The following DNAJC6 variants were observed in gnomAD, a reference collection of about 807,000 sequenced individuals.
The protein encoded by DNAJC6 is DnaJ heat shock protein family (Hsp40) member C6, also known as auxilin.
Under a neutral mutation model 110.0 loss-of-function variants are expected in DNAJC6, and 34 were observed. The observed-to-expected ratio is 0.31, with a 90% CI of 0.24 to 0.41. The LOEUF (loss-of-function observed/expected upper bound fraction) is 0.41. DNAJC6 is among the 10% of genes least tolerant of loss of function. DNAJC6 has a pLI of 1.00. For synonymous variants in DNAJC6, 406 were observed against 437.2 expected (o/e 0.93, Z 0.89); for missense variants, 1,031 against 1,207.8 (o/e 0.85, Z 2.17).
rs536878673 is a variant in DNAJC6 at position 65,380,926 on chromosome 1, T to G, written c.666+1402T>G. 1.7e-3 allele frequency among the ~76,000 whole-genome samples: 239 copies of G among 137,516 alleles called. 1 individual carries two copies. Among genetic ancestry groups the G allele is most frequent in the South Asian group, 4.3e-3 (18 of 4,164 alleles). 90.2% of individuals were successfully genotyped at this position (137,516 alleles called of 152,430 possible). On this transcript the variant is annotated intron_variant, in intron 5 of 18. Transcript: ENST00000371069. ...TTTGTTTTTTGTTTTGTTTTGTTTT[T>G]TTTTTTTTTTTGGGACCGAGTCTTG...
intron 1 of DNAJC6, among the ~76,000 whole-genome samples, chr1:65,310,763 T>G (rs1329095688): frequency 1.3e-5 from 2 of 152,230 alleles, no homozygotes; most frequent in Non-Finnish European, 2.9e-5. Flanking sequence ...TATATCCATG[T>G]TGGACTAGGA....
chr1:65,397,929 T>C (rs1010762992), intron 13 of DNAJC6, among the ~76,000 whole-genome samples: 30 of 152,268 alleles, frequency 2.0e-4, no homozygotes, highest in Admixed American at 1.4e-3. Context: ...GGTGTGTGTG[T>C]GCGTGTGTGT....
intron 1 of DNAJC6, among the ~76,000 whole-genome samples, chr1:65,347,515 T>G (rs1488456028): frequency 6.6e-6 from 1 of 152,084 alleles, no homozygotes; most frequent in Non-Finnish European, 1.5e-5. Flanking sequence ...TTTTCCACAT[T>G]CTTTATGTCT....
intron 1 of DNAJC6, among the ~76,000 whole-genome samples, chr1:65,319,829 T>G (rs1645181802): frequency 6.6e-6 from 1 of 152,124 alleles, no homozygotes; most frequent in Non-Finnish European, 1.5e-5. Context: ...TCTCTTCTTT[T>G]GTCCTTCTCT....
intron 14 of DNAJC6, among the ~76,000 whole-genome samples, chr1:65,399,454 C>T (rs573472249): frequency 3.9e-5 from 6 of 152,270 alleles, no homozygotes; most frequent in Admixed American, 1.3e-4. Context: ...TAAGTGCACG[C>T]GTGCACATAC....
At chr1:65,336,300 G>A (rs550445448) in intron 1 of DNAJC6, among the ~76,000 whole-genome samples, 93 of 152,146 alleles carry the variant, frequency 6.1e-4, no homozygotes, top group African/African-American at 2.2e-3. Context: ...ACGAGAACAG[G>A]AGCATGGGGG....
chr1:65,364,790 G>A lies in DNAJC6; in HGVS notation c.344+5G>A, dbSNP rs373662535. The A allele has an allele frequency of 3.7e-5, 59 of 1,611,392 alleles. No homozygotes were observed. Among genetic ancestry groups the A allele is most frequent in the African/African-American group, 8.0e-5 (6 of 74,768 alleles). ...AGTGATACAATCTGTGACCAGGTAC[G>A]CACATTCTTCCCAGTTAATTTAGTG... On this transcript the variant is annotated splice_donor_5th_base_variant and intron_variant, in intron 2 of 18. Coordinates refer to ENST00000371069, the MANE Select transcript of DNAJC6 (RefSeq NM_001256864.2).
chr1:65,330,563 G>A (rs1245876846), intron 1 of DNAJC6, among the ~76,000 whole-genome samples: 1 of 152,110 alleles, frequency 6.6e-6, no homozygotes, highest in Non-Finnish European at 1.5e-5. Flanking sequence ...CCGCCTCCTG[G>A]GTTCAAGCCA....
intron 1 of DNAJC6, among the ~76,000 whole-genome samples, chr1:65,319,250 C>T (rs1645175074): frequency 6.6e-6 from 1 of 152,228 alleles, no homozygotes; most frequent in Non-Finnish European, 1.5e-5. Context: ...TGTGGAAGGG[C>T]TGAGAATACT....
At chr1:65,293,941 C>G (rs898740931) in intron 1 of DNAJC6, among the ~76,000 whole-genome samples, 1 of 152,144 alleles carries the variant, frequency 6.6e-6, no homozygotes, top group Non-Finnish European at 1.5e-5. Flanking sequence ...CAAAGGAAAT[C>G]AACATAAATT....
Position 65,384,292 on chromosome 1 carries a change from C to A in DNAJC6, c.766C>A (p.Arg256=), listed in dbSNP as rs745630837. The part of the protein sequence containing the change: ...GPAIRLLYAK[R]PGIGLSPSHR... ...AGCCATTCGATTGCTATATGCAAAGCGACCAGGAATTGGACTTTCACCATC... is the reference window on the plus strand; with the variant it reads ...AGCCATTCGATTGCTATATGCAAAGAGACCAGGAATTGGACTTTCACCATC... The change falls in exon 6 of 19, where the codon CGA becomes AGA. Residue 256 remains arginine (R), a synonymous_variant. Transcript: ENST00000371069. The A allele has an allele frequency of 3.8e-6, 6 of 1,580,008 alleles. No homozygotes were observed. The African/African-American group carries it at 5.5e-5, about 14-fold the overall frequency.
chr1:65,288,915 G>T (rs1654105344), intron 1 of DNAJC6, among the ~76,000 whole-genome samples: 1 of 152,084 alleles, frequency 6.6e-6, no homozygotes, highest in African/African-American at 2.4e-5. Context: ...CATTTTGGCA[G>T]ACATTTCCAG....
chr1:65,282,993 T>C (rs1165349210), intron 1 of DNAJC6, among the ~76,000 whole-genome samples: 1 of 152,214 alleles, frequency 6.6e-6, no homozygotes, highest in Non-Finnish European at 1.5e-5. Context: ...GAAATAATCA[T>C]AGATTTGTCC....
intron 1 of DNAJC6, 113 bp downstream of exon 1, chr1:65,310,051 C>A: frequency 1.6e-6 from 2 of 1,270,444 alleles, no homozygotes; most frequent in Non-Finnish European, 2.1e-6. Flanking sequence ...GCGAGAGAGC[C>A]GGGCTGGAGG....
chr1:65,267,054 G>A (rs1233517642), intron 1 of DNAJC6, among the ~76,000 whole-genome samples: 3 of 151,968 alleles, frequency 2.0e-5, no homozygotes, highest in Non-Finnish European at 4.4e-5. Context: ...ATGCCACCAC[G>A]CCCGGTTAAT....
chr1:65,379,074 A>G (rs891216227), intron 4 of DNAJC6, among the ~76,000 whole-genome samples: 1 of 152,252 alleles, frequency 6.6e-6, no homozygotes, highest in African/African-American at 2.4e-5. Context: ...GGGGGAGGTC[A>G]AAACATTTTA....
intron 1 of DNAJC6, among the ~76,000 whole-genome samples, chr1:65,296,605 T>TTTTTTTTTTTTGG (rs1644931480): frequency 6.6e-6 from 1 of 150,802 alleles, no homozygotes; most frequent in Non-Finnish European, 1.5e-5. Context: ...TTTTTTTTTT[T>TTTTTTTTTTTTGG]GAGACGGAGT....
At chr1:65,310,014 C>A (rs752920472) in intron 1 of DNAJC6, 76 bp downstream of exon 1, 13 of 1,371,056 alleles carry the variant, frequency 9.5e-6, no homozygotes, top group Admixed American at 3.6e-5. Context: ...GGCCCGAGGC[C>A]CCCCCGTGGT....
At chr1:65,289,793 A>G (rs1654137773) in intron 1 of DNAJC6, among the ~76,000 whole-genome samples, 1 of 151,778 alleles carries the variant, frequency 6.6e-6, no homozygotes, top group Non-Finnish European at 1.5e-5. Context: ...CATAGGCCTA[A>G]GAGCACTGTG....
Sources: allele counts gnomAD v4.1 joint callset (sites outside exome capture counted in the v4.1 genomes callset), GRCh38; gene constraint gnomAD v4.1.1; transcripts MANE v1.5; gene names NCBI Gene and HGNC (gene_info 2026-07-23, HGNC 2026-07-21).